ZNF804B: variants seen among roughly 807,000 people sequenced by gnomAD.
ZNF804B encodes zinc finger protein 804B.
A neutral mutation model predicts 101.4 loss-of-function variants in ZNF804B; 80 were observed. That is an observed-to-expected ratio of 0.79 (90% CI 0.66 to 0.95). ZNF804B has a LOEUF of 0.95. Ranked by LOEUF, ZNF804B falls within the 40% of genes least tolerant of loss-of-function variation. ZNF804B has a pLI of 0.00. For missense variants in ZNF804B, 1,673 were observed against 1,561.9 expected (o/e 1.07, Z -1.20); for synonymous variants, 622 against 558.8 (o/e 1.11, Z -1.59).
At chr7:89,062,188 G>C (rs1454658211) in intron 1 of ZNF804B, among the ~76,000 whole-genome samples, 2 of 152,030 alleles carry the variant, frequency 1.3e-5, no homozygotes, top group East Asian at 3.9e-4. Context: ...ATACAATCCT[G>C]CCACTCACAT....
intron 1 of ZNF804B, among the ~76,000 whole-genome samples, chr7:88,885,628 TAA>T (rs1389207635): frequency 1.3e-5 from 2 of 150,438 alleles, no homozygotes; most frequent in Non-Finnish European, 3.0e-5. Flanking sequence ...AATGTTTTGA[TAA>T]AAAGTCTATT....
intron 1 of ZNF804B, among the ~76,000 whole-genome samples, chr7:89,166,096 G>A (rs1165860453): frequency 2.6e-5 from 4 of 152,076 alleles, no homozygotes; most frequent in Non-Finnish European, 5.9e-5. Flanking sequence ...TTGGTGTCCT[G>A]TCCCCTGGCG....
chr7:89,129,427 T>A (rs1790514510), intron 1 of ZNF804B, among the ~76,000 whole-genome samples: 1 of 151,970 alleles, frequency 6.6e-6, no homozygotes, highest in Non-Finnish European at 1.5e-5. Context: ...AACAAAACAT[T>A]TGGGAAGCCA....
intron 1 of ZNF804B, among the ~76,000 whole-genome samples, chr7:88,867,720 CAA>C: frequency 6.6e-6 from 1 of 152,242 alleles, no homozygotes; most frequent in South Asian, 2.1e-4. Context: ...TTAGTAATAA[CAA>C]TAACAATAAA....
chr7:88,843,820 A>T (rs1791325820), intron 1 of ZNF804B, among the ~76,000 whole-genome samples: 1 of 152,206 alleles, frequency 6.6e-6, no homozygotes, highest in Non-Finnish European at 1.5e-5. Flanking sequence ...TCACAATGGC[A>T]ATTGTAATAT....
chr7:89,317,488 G>A (rs1373137188), intron 2 of ZNF804B, among the ~76,000 whole-genome samples: 1 of 152,218 alleles, frequency 6.6e-6, no homozygotes, highest in East Asian at 1.9e-4. Context: ...CTGCCAATGA[G>A]CAGTTAACTA....
At chr7:89,290,587 C>G (rs186225277) in intron 2 of ZNF804B, among the ~76,000 whole-genome samples, 2 of 152,126 alleles carry the variant, frequency 1.3e-5, no homozygotes, top group East Asian at 3.9e-4. Context: ...CAGTACTCCC[C>G]GGGGGTCTGT....
chr7:88,838,566 C>T (rs2115799144), intron 1 of ZNF804B, among the ~76,000 whole-genome samples: 1 of 151,982 alleles, frequency 6.6e-6, no homozygotes, highest in South Asian at 2.1e-4. Flanking sequence ...GATTTGTTAC[C>T]TATACTATTA....
rs113010915 is a variant in ZNF804B at position 88,913,583 on chromosome 7, A to G, written c.108+153499A>G. ...TTAATTTTTTTGTTTTTTAGTAGAT[A>G]TGGGGTTTCACCATCTTGGCCAGGC... On this transcript the variant is annotated intron_variant, in intron 1 of 3. Transcript: ENST00000333190. 1.1e-3 allele frequency among the ~76,000 whole-genome samples: 160 copies of G among 152,198 alleles called. 1 individual carries two copies. The highest frequency in any genetic ancestry group is 3.4e-3 in the Middle Eastern group (1 of 294).
At chr7:88,883,412 G>A (rs1486421511) in intron 1 of ZNF804B, among the ~76,000 whole-genome samples, 1 of 152,054 alleles carries the variant, frequency 6.6e-6, no homozygotes, top group African/African-American at 2.4e-5. Context: ...TGTTACATAA[G>A]GCATGGCCAT....
At position 89,334,751 on chromosome 7, in the gene ZNF804B, A is replaced by G. The variant is rs370648105; in HGVS notation, c.1769A>G (p.Asp590Gly). 1.9e-6 allele frequency: 3 copies of G among 1,613,828 alleles called. No individual in the cohort carries two copies. In the African/African-American group the frequency reaches 4.0e-5, roughly 22 times the overall value. Reference sequence around the variant, plus strand: ...CTTTACCTCAACACATCTCTAAAGGATTGTGCTGGAAAGAATAATAGTAGT... The same window carrying G: ...CTTTACCTCAACACATCTCTAAAGGGTTGTGCTGGAAAGAATAATAGTAGT... ...VPLYLNTSLK[D>G]CAGKNNSSEN... is the part of the protein sequence containing the mutation. Residue 590 changes from aspartate (D) to glycine (G), a missense_variant, in exon 4 of 4, where the codon GAT becomes GGT. Transcript: ENST00000333190.
chr7:88,966,240 T>A (rs985482709), intron 1 of ZNF804B, among the ~76,000 whole-genome samples: 1 of 151,552 alleles, frequency 6.6e-6, no homozygotes, highest in African/African-American at 2.4e-5. Flanking sequence ...TATGTATAAT[T>A]TTGTTGCATA....
intron 1 of ZNF804B, among the ~76,000 whole-genome samples, chr7:89,139,281 T>G (rs1790682505): frequency 6.6e-6 from 1 of 152,168 alleles, no homozygotes; most frequent in Admixed American, 6.5e-5. Flanking sequence ...CATAATCTTT[T>G]TGCTGGTTGC....
At chr7:89,181,890 A>T (rs573001914) in intron 1 of ZNF804B, among the ~76,000 whole-genome samples, 1 of 152,290 alleles carries the variant, frequency 6.6e-6, no homozygotes, top group South Asian at 2.1e-4. Flanking sequence ...TTGTAATAAA[A>T]TATGCACTTT....
At chr7:89,214,934 TTTACCA>T (rs1239463000) in intron 1 of ZNF804B, among the ~76,000 whole-genome samples, 1 of 152,184 alleles carries the variant, frequency 6.6e-6, no homozygotes, top group Non-Finnish European at 1.5e-5. Context: ...CATGCCCCCC[TTTACCA>T]TTACCTAGCC....
At chr7:89,253,515 C>T (rs1272413103) in intron 2 of ZNF804B, among the ~76,000 whole-genome samples, 1 of 152,054 alleles carries the variant, frequency 6.6e-6, no homozygotes, top group African/African-American at 2.4e-5. Context: ...AAATTGATTT[C>T]ACCGAAACTG....
chr7:89,076,736 C>T (rs1049325697), intron 1 of ZNF804B, among the ~76,000 whole-genome samples: 1 of 151,772 alleles, frequency 6.6e-6, no homozygotes, highest in Non-Finnish European at 1.5e-5. Flanking sequence ...GATGTTATAC[C>T]AGAACTATTG....
chr7:89,181,358 A>AC (rs1788292783), intron 1 of ZNF804B, among the ~76,000 whole-genome samples: 1 of 152,138 alleles, frequency 6.6e-6, no homozygotes, highest in Admixed American at 6.5e-5. Flanking sequence ...GCTAGCCATA[A>AC]CTTATGTTCT....
chr7:89,170,752 A>T (rs1327247433), intron 1 of ZNF804B, among the ~76,000 whole-genome samples: 1 of 152,220 alleles, frequency 6.6e-6, no homozygotes, highest in Non-Finnish European at 1.5e-5. Context: ...TTGAAGCAAA[A>T]GAGAACACTC....
Sources: gnomAD v4.1 joint callset for allele counts (sites outside exome capture counted in the v4.1 genomes callset) on GRCh38, gnomAD v4.1.1 for gene constraint, MANE v1.5 for transcripts, NCBI Gene and HGNC (gene_info 2026-07-23, HGNC 2026-07-21) for gene names.